Variants in PDE8B observed in about 807,000 individuals in gnomAD.
The protein encoded by PDE8B is phosphodiesterase 8B, also known as high affinity cAMP-specific and IBMX-insensitive 3',5'-cyclic phosphodiesterase 8B.
Under a neutral mutation model 101.3 loss-of-function variants are expected in PDE8B, and 26 were observed. The observed-to-expected ratio is 0.26, with a 90% confidence interval of 0.19 to 0.36. The LOEUF is 0.36. Ranked by LOEUF, PDE8B falls within the 10% of genes least tolerant of loss-of-function variation. The probability of loss-of-function intolerance (pLI) is 1.00; values close to 1 mark genes in which losing one functional copy is unlikely to be tolerated. For synonymous variants in PDE8B, 424 were observed against 429.3 expected (o/e 0.99, Z 0.15); for missense variants, 810 against 1,163.1 (o/e 0.70, Z 4.42).
the PDE8B span, among the ~76,000 whole-genome samples, chr5:77,123,669 G>A: frequency 7.9e-5 from 12 of 152,106 alleles, no homozygotes; most frequent in African/African-American, 2.9e-4. Flanking sequence ...TGAGGGGGAG[G>A]ATCCCCTGAG....
At chr5:77,388,284 T>C (rs1454073653) in intron 10 of PDE8B, among the ~76,000 whole-genome samples, 1 of 152,218 alleles carries the variant, frequency 6.6e-6, no homozygotes, top group African/African-American at 2.4e-5. Context: ...TTTTTGTTGA[T>C]GTTGATGCTA....
chr5:77,357,959 G>A (rs879423307), intron 10 of PDE8B, among the ~76,000 whole-genome samples: 1 of 152,152 alleles, frequency 6.6e-6, no homozygotes, highest in Non-Finnish European at 1.5e-5. Flanking sequence ...GGTTCCCACC[G>A]CCAGGCCAGC....
chr5:77,233,157 T>C (rs1753921080), intron 1 of PDE8B, among the ~76,000 whole-genome samples: 1 of 151,968 alleles, frequency 6.6e-6, no homozygotes, highest in Non-Finnish European at 1.5e-5. Context: ...CCTGTGAGGC[T>C]CAGCAAGCTT....
chr5:77,138,770 C>T, the PDE8B span, among the ~76,000 whole-genome samples: 16 of 152,232 alleles, frequency 1.1e-4, no homozygotes, highest in African/African-American at 2.9e-4. Flanking sequence ...GCCTATCCAA[C>T]GATCTAAAAC....
intron 1 of PDE8B, among the ~76,000 whole-genome samples, chr5:77,261,894 CTG>C (rs1760670863): frequency 6.6e-6 from 1 of 152,202 alleles, no homozygotes; most frequent in South Asian, 2.1e-4. Flanking sequence ...CACAGGGAAA[CTG>C]TTTTTATTCT....
At position 77,413,111 on chromosome 5, in the gene PDE8B, G is replaced by T; in HGVS notation, c.1713G>T (p.Arg571Ser). Residue 571 changes from arginine to serine, a missense_variant and splice_region_variant, in exon 17 of 22, where the codon AGG becomes AGT. Arg to Ser is a moderately radical substitution (Grantham distance 110). This residue lies in a region of PDE8B where 325 missense variants were observed against 560.9 expected (regional missense o/e 0.58). Transcript: ENST00000264917. ...IFELEAITHK[R>S]PLVYLGLKVF... ...CAGGGTGGGTTTTCCTATTTTTCAG[G>T]CCATTGGTTTATCTGGGCTTAAAGG... 5 of 1,613,654 alleles carry T rather than the reference G, an allele frequency of 3.1e-6. No individual in the cohort carries two copies. The highest frequency in any genetic ancestry group is 4.2e-6 in the Non-Finnish European group (5 of 1,179,680).
chr5:77,135,539 C>T, the PDE8B span, among the ~76,000 whole-genome samples: 2 of 147,202 alleles, frequency 1.4e-5, no homozygotes, highest in Non-Finnish European at 3.0e-5. Flanking sequence ...TGCAGTGGCA[C>T]GATCTCGGCT....
rs548630368 is a variant in PDE8B, at chr5:77,303,287, C to T, written c.340-8707C>T. Among the ~76,000 whole-genome samples, 7 of 152,214 alleles carry T rather than the reference C, an allele frequency of 4.6e-5. No individual in the cohort carries two copies. The South Asian group carries it at 1.2e-3, about 27-fold the overall frequency. ...GAGTGTGGTGCCTCATGCCTGTAAT[C>T]CCAGCACTTCGGGAGGCCAAGGTGG... On this transcript the variant is annotated intron_variant, in intron 1 of 21. Transcript: ENST00000264917.
chr5:77,195,777 G>T, the PDE8B span, among the ~76,000 whole-genome samples: 1 of 152,068 alleles, frequency 6.6e-6, no homozygotes, highest in Non-Finnish European at 1.5e-5. Context: ...TCATAAGGGA[G>T]GGAAAATATA....
intron 1 of PDE8B, among the ~76,000 whole-genome samples, chr5:77,244,163 C>T (rs1756384328): frequency 1.3e-5 from 2 of 152,026 alleles, no homozygotes; most frequent in Admixed American, 6.6e-5. Flanking sequence ...TCGTAGCAGA[C>T]ATACAAACTA....
At chr5:77,272,953 A>G (rs544530579) in intron 1 of PDE8B, among the ~76,000 whole-genome samples, 5 of 152,368 alleles carry the variant, frequency 3.3e-5, no homozygotes, top group African/African-American at 1.2e-4. Context: ...ACCTATGCAT[A>G]GAATGATTTT....
chr5:77,143,358 ATAAT>A, the PDE8B span, among the ~76,000 whole-genome samples: 1 of 152,212 alleles, frequency 6.6e-6, no homozygotes, highest in Admixed American at 6.5e-5. Context: ...CAAATACCAA[ATAAT>A]TGATCTACAA....
chr5:77,199,366 G>A, the PDE8B span, among the ~76,000 whole-genome samples: 2 of 152,094 alleles, frequency 1.3e-5, no homozygotes, highest in Non-Finnish European at 2.9e-5. Flanking sequence ...GTTAGGAGAA[G>A]GAAAATCTTA....
intron 10 of PDE8B, among the ~76,000 whole-genome samples, chr5:77,385,224 T>G (rs1338977806): frequency 6.6e-6 from 1 of 152,180 alleles, no homozygotes; most frequent in Non-Finnish European, 1.5e-5. Context: ...GTCCAGGAAT[T>G]TATCTGTTTC....
intron 1 of PDE8B, among the ~76,000 whole-genome samples, chr5:77,234,645 C>G (rs1189361029): frequency 1.3e-5 from 2 of 152,162 alleles, no homozygotes; most frequent in Non-Finnish European, 2.9e-5. Flanking sequence ...GCCTTCCCTA[C>G]ATAGTACCTT....
At chr5:77,172,249 G>C in the PDE8B span, among the ~76,000 whole-genome samples, 2 of 152,146 alleles carry the variant, frequency 1.3e-5, no homozygotes, top group Admixed American at 6.5e-5. Context: ...CTCCTCAGTG[G>C]CCAGCACTGT....
At chr5:77,150,555 A>C in the PDE8B span, among the ~76,000 whole-genome samples, 2 of 152,232 alleles carry the variant, frequency 1.3e-5, no homozygotes, top group African/African-American at 2.4e-5. Context: ...ACTAGGGTAC[A>C]TCTTTGAAAC....
At chr5:77,111,020 T>A in the PDE8B span, among the ~76,000 whole-genome samples, 1 of 152,226 alleles carries the variant, frequency 6.6e-6, no homozygotes, top group Admixed American at 6.5e-5. Flanking sequence ...AAAGGGCATC[T>A]ACAAAATATT....
At chr5:77,159,285 A>G in the PDE8B span, among the ~76,000 whole-genome samples, 1 of 152,212 alleles carries the variant, frequency 6.6e-6, no homozygotes, top group Non-Finnish European at 1.5e-5. Flanking sequence ...GGGTGTTGCC[A>G]AAAGAGATTA....
Sources: allele counts gnomAD v4.1 joint callset (sites outside exome capture counted in the v4.1 genomes callset), GRCh38; gene constraint gnomAD v4.1.1; regional missense constraint gnomAD v4.1.1; transcripts MANE v1.5; gene names NCBI Gene and HGNC (gene_info 2026-07-23, HGNC 2026-07-21).